Variants in ZNF688 observed in about 807,000 individuals in gnomAD.
ZNF688 encodes zinc finger protein 688.
In ZNF688, 10 loss-of-function variants were observed where a neutral mutation model predicts 13.2. The ratio of observed to expected loss-of-function variants is 0.76; its 90% CI spans 0.47 to 1.28. The LOEUF (loss-of-function observed/expected upper bound fraction) is 1.28. ZNF688 is among the 50% of genes most tolerant of loss of function. The pLI is 0.00. For missense variants in ZNF688, 381 were observed against 391.4 expected (o/e 0.97, Z 0.22); for synonymous variants, 160 against 159.4 (o/e 1.00, Z -0.03).
Position 30,571,444 on chromosome 16 carries a change from C to T in ZNF688, c.186G>A (p.Leu62=). Residue 62 remains leucine, a synonymous_variant, in exon 1 of 3, where the codon CTG becomes CTA. Coordinates refer to ENST00000223459, the MANE Select transcript of ZNF688 (RefSeq NM_145271.4). ...ACCCGGGGCTCTCACCGAGCGCGCCCAGGTGGCCGTAGGTCTCCTGCATCA... is the reference window on the plus strand; with the variant it reads ...ACCCGGGGCTCTCACCGAGCGCGCCTAGGTGGCCGTAGGTCTCCTGCATCA... ...RDVMQETYGH[L]GALGFPGPKP... is the part of the protein sequence containing the mutation. 1 of 1,573,106 alleles carries T rather than the reference C, an allele frequency of 6.4e-7. No homozygotes were observed. The highest frequency in any genetic ancestry group is 2.4e-5 in the East Asian group (1 of 42,390).
At chr16:30,574,606 T>C (rs1265765260), upstream of ZNF688, among the ~76,000 whole-genome samples, 2 of 152,158 alleles carry the variant, frequency 1.3e-5, no homozygotes, top group Non-Finnish European at 2.9e-5. Flanking sequence ...TACATATTTA[T>C]GGAGTTCATG....
At chr16:30,572,332 G>A, upstream of ZNF688, 3 of 1,390,728 alleles carry the variant, frequency 2.2e-6, no homozygotes, top group African/African-American at 3.0e-5. Flanking sequence ...CCGATGGCGG[G>A]AGCTGGAATT....
chr16:30,570,474 T>C (rs894197178), intron 2 of ZNF688, 38 bp from the exon 3 acceptor site: 2 of 1,582,578 alleles, frequency 1.3e-6, no homozygotes, highest in Non-Finnish European at 1.7e-6. Context: ...ACAAACACTT[T>C]TGCACAGACT....
Position 30,570,271 on chromosome 16 carries a change from C to T in ZNF688, c.476G>A (p.Trp159Ter). The T allele has an allele frequency of 6.2e-7, 1 of 1,613,914 alleles. No individual in the cohort carries two copies. Among genetic ancestry groups the T allele is most frequent in the East Asian group, 2.2e-5 (1 of 44,876 alleles). Residue 159 changes from tryptophan (W) to a stop codon, truncating the protein, a stop_gained, in exon 3 of 3, where the codon TGG becomes TAG. Transcript: ENST00000223459. LOFTEE classifies it low-confidence loss of function (END_TRUNC). ...ARAQPPKNAA[W>*]DPTTGAQPPA... is the part of the protein sequence containing the mutation. ...GGGCTGTGCTCCTGTGGTCGGGTCC[C>T]AGGCAGCATTTTTGGGTGGCTGTGC...
upstream of ZNF688, chr16:30,572,408 G>T (rs2051701823): frequency 3.8e-6 from 4 of 1,040,062 alleles, no homozygotes; most frequent in African/African-American, 5.0e-5. Flanking sequence ...CGCGGTAGAA[G>T]CAGGTGCGTG....
chr16:30,572,163 G>A (rs759463946), upstream of ZNF688: 5 of 1,605,968 alleles, frequency 3.1e-6, no homozygotes, highest in East Asian at 1.1e-4. Flanking sequence ...GATTGGCGAC[G>A]ATCCCGGAAG....
chr16:30,579,410 C>G, the ZNF688 span: 1 of 167,970 alleles, frequency 6.0e-6, no homozygotes, highest in Non-Finnish European at 1.3e-5. Context: ...TGTTTTGAGA[C>G]AGAGTCCTGC....
chr16:30,573,484 C>T (rs934998030), upstream of ZNF688, among the ~76,000 whole-genome samples: 7 of 152,130 alleles, frequency 4.6e-5, no homozygotes, highest in African/African-American at 1.7e-4. Flanking sequence ...CCTTCATCCC[C>T]ACATTTGGAA....
chr16:30,576,208 C>A (rs1567516841), upstream of ZNF688, among the ~76,000 whole-genome samples: 1 of 151,994 alleles, frequency 6.6e-6, no homozygotes, highest in Admixed American at 6.6e-5. Flanking sequence ...CCACCATGCC[C>A]AGCTAATTTT....
At chr16:30,573,921 C>A (rs1597142130), upstream of ZNF688, 1 of 334,732 alleles carries the variant, frequency 3.0e-6, no homozygotes, top group African/African-American at 2.3e-5. Flanking sequence ...AAAAATATAT[C>A]CTTAGAAATG....
At chr16:30,575,661 CTT>C (rs752083074), upstream of ZNF688, among the ~76,000 whole-genome samples, 1 of 141,484 alleles carries the variant, frequency 7.1e-6, no homozygotes. Flanking sequence ...CTTTTTTTTT[CTT>C]TTTTTTTTTG....
chr16:30,573,800 A>C (rs2051720391), upstream of ZNF688: 1 of 279,604 alleles, frequency 3.6e-6, no homozygotes, highest in Non-Finnish European at 6.9e-6. Flanking sequence ...TAATTGATTA[A>C]TTATTAATTG....
chr16:30,569,789 T>G lies in ZNF688; in HGVS notation c.*127A>C. 8.1e-7 allele frequency: 1 copy of G among 1,227,870 alleles called. No homozygotes were observed. Among genetic ancestry groups the G allele is most frequent in the Non-Finnish European group, 1.1e-6 (1 of 930,882 alleles). The allele number at this position is 1,227,870 out of a possible 1,614,324, so 76.1% of individuals were successfully genotyped here. A position where few individuals can be genotyped will look rare whatever the true frequency, so the allele number is the denominator to read the frequency against. ...CTTTTCTTTTTACAAGTTGGAAACTTGAGGGATCCTTGAGGAAAGCCCAGG... is the reference window on the plus strand; with the variant it reads ...CTTTTCTTTTTACAAGTTGGAAACTGGAGGGATCCTTGAGGAAAGCCCAGG... On this transcript the variant is annotated 3_prime_UTR_variant, in exon 3 of 3. Coordinates refer to ENST00000223459, the MANE Select transcript of ZNF688 (RefSeq NM_145271.4).
chr16:30,574,493 C>T (rs1387960285), upstream of ZNF688, among the ~76,000 whole-genome samples: 3 of 151,474 alleles, frequency 2.0e-5, no homozygotes, highest in Admixed American at 1.3e-4. Flanking sequence ...TTGCAGTGAG[C>T]CAAGATCACA....
the ZNF688 span, among the ~76,000 whole-genome samples, chr16:30,577,913 A>T: frequency 6.0e-5 from 9 of 149,712 alleles, no homozygotes; most frequent in South Asian, 1.5e-3. Context: ...CAAGTGATCC[A>T]CCGTCCTCGG....
chr16:30,576,500 G>A (rs1431320584), upstream of ZNF688, among the ~76,000 whole-genome samples: 3 of 151,080 alleles, frequency 2.0e-5, no homozygotes, highest in South Asian at 2.1e-4. Context: ...GTGAGCCACC[G>A]CGCCCAGCCA....
In ZNF688 at chr16:30,571,519, C is replaced by T. The variant is rs1188614044; in HGVS notation, c.111G>A (p.Pro37=). The T allele has an allele frequency of 6.3e-7, 1 of 1,589,168 alleles. No homozygotes were observed. Among genetic ancestry groups the T allele is most frequent in the Admixed American group, 1.8e-5 (1 of 56,546 alleles). ...SFADVAVYFS[P]EEWGCLRPAQ... ...CGGGCCGCAGACAGCCCCACTCCTC[C>T]GGGGAGAAGTACACGGCCACGTCCG... Residue 37 remains proline (P), a synonymous_variant, in exon 1 of 3, where the codon CCG becomes CCA. Transcript: ENST00000223459.
At chr16:30,573,186 C>A (rs986558974), upstream of ZNF688, among the ~76,000 whole-genome samples, 4 of 152,220 alleles carry the variant, frequency 2.6e-5, no homozygotes, top group Non-Finnish European at 5.9e-5. Context: ...GGATTACAGG[C>A]GTGAGCCACG....
intron 1 of ZNF688, 63 bp from the exon 2 acceptor site, chr16:30,571,186 CT>C (rs2051674464): frequency 6.5e-7 from 1 of 1,532,296 alleles, no homozygotes. Context: ...TGGCATTCCC[CT>C]CCAGGCTGAG....
Sources: gnomAD v4.1 joint callset for allele counts (sites outside exome capture counted in the v4.1 genomes callset) on GRCh38, gnomAD v4.1.1 for gene constraint, MANE v1.5 for transcripts, NCBI Gene and HGNC (gene_info 2026-07-23, HGNC 2026-07-21) for gene names.